Variants in TP63 observed in about 807,000 individuals in gnomAD.
TP63 encodes the protein tumor protein 63.
In TP63, 17 loss-of-function variants were observed where a neutral mutation model predicts 82.8. The observed-to-expected ratio is 0.21, with a 90% CI of 0.14 to 0.31. The LOEUF (loss-of-function observed/expected upper bound fraction) is 0.31, where lower values mean the gene tolerates loss of function less well. Among genes scored for constraint, TP63 ranks in the 10% least tolerant of loss-of-function variants. TP63 has a pLI of 1.00. For missense variants in TP63, 648 were observed against 895.3 expected (o/e 0.72, Z 3.52); for synonymous variants, 330 against 321.7 (o/e 1.03, Z -0.28).
intron 4 of TP63, among the ~76,000 whole-genome samples, chr3:189,814,088 A>C (rs1243674133): frequency 6.6e-6 from 1 of 151,866 alleles, no homozygotes; most frequent in Non-Finnish European, 1.5e-5. Context: ...TCGCAAGCTC[A>C]CTCCCTTTGG....
chr3:189,723,434 G>A (rs1719540301), intron 1 of TP63, among the ~76,000 whole-genome samples: 1 of 152,198 alleles, frequency 6.6e-6, no homozygotes, highest in Non-Finnish European at 1.5e-5. Context: ...TGCCTGTCAG[G>A]CATATTGCAG....
chr3:189,673,504 A>G (rs903907074), intron 1 of TP63, among the ~76,000 whole-genome samples: 6 of 151,730 alleles, frequency 4.0e-5, no homozygotes. Context: ...AGATAAGATA[A>G]CTTAGCAAAG....
chr3:189,615,618 AT>A, the TP63 span, among the ~76,000 whole-genome samples: 1 of 152,104 alleles, frequency 6.6e-6, no homozygotes, highest in Non-Finnish European at 1.5e-5. Context: ...CCACTCCCAT[AT>A]GTCCATATAT....
chr3:189,747,698 A>T (rs1721482288), intron 3 of TP63, among the ~76,000 whole-genome samples: 1 of 152,044 alleles, frequency 6.6e-6, no homozygotes, highest in Non-Finnish European at 1.5e-5. Flanking sequence ...AACAAACCAG[A>T]TAGAAAATTA....
chr3:189,886,273 A>T, intron 10 of TP63, 121 bp from the exon 11 acceptor site: 1 of 1,153,714 alleles, frequency 8.7e-7, no homozygotes, highest in Non-Finnish European at 1.3e-6. Context: ...CATTAATCCT[A>T]GAAGAATGTT....
At position 189,889,366 on chromosome 3, in the gene TP63, A is replaced by G. The variant is rs1261217150; in HGVS notation, c.1534A>G (p.Met512Val). ...NIPMMGTHMP[M>V]AGDMNGLSPT... The stretch of plus-strand genomic sequence containing the variant: ...TCCCATGATGGGCACCCACATGCCA[A>G]TGGCTGGAGACATGAATGGACTCAG... The change falls in exon 12 of 14, where the codon ATG becomes GTG. Residue 512 changes from methionine to valine, a missense_variant. Met to Val is a conservative substitution (Grantham distance 21, BLOSUM62 1). Transcript: ENST00000264731. 6 of 1,614,126 alleles carry G rather than the reference A, an allele frequency of 3.7e-6. No homozygotes were observed. Among genetic ancestry groups the G allele is most frequent in the Non-Finnish European group, 5.1e-6 (6 of 1,180,006 alleles).
chr3:189,616,365 TA>T, the TP63 span, among the ~76,000 whole-genome samples: 1 of 152,210 alleles, frequency 6.6e-6, no homozygotes, highest in Admixed American at 6.5e-5. Context: ...AAGCTAACAC[TA>T]ACCTAAATCC....
intron 4 of TP63, among the ~76,000 whole-genome samples, chr3:189,849,696 G>C (rs1181400846): frequency 6.6e-6 from 1 of 151,780 alleles, no homozygotes; most frequent in African/African-American, 2.4e-5. Context: ...ACTTCCTTTG[G>C]ATCAACTCCC....
the TP63 span, among the ~76,000 whole-genome samples, chr3:189,612,919 A>C: frequency 0.013 from 2,025 of 152,328 alleles, 47 homozygotes; most frequent in African/African-American, 0.046. Flanking sequence ...TATTTGGCAG[A>C]AGAAATTTCT....
intron 3 of TP63, among the ~76,000 whole-genome samples, chr3:189,789,387 G>C (rs1337859323): frequency 2.6e-5 from 4 of 151,674 alleles, no homozygotes; most frequent in Non-Finnish European, 1.5e-5. Flanking sequence ...GGGGAGATTT[G>C]TTTTGTTTTT....
intron 1 of TP63, among the ~76,000 whole-genome samples, chr3:189,657,850 C>T (rs1407556987): frequency 2.6e-5 from 4 of 151,990 alleles, no homozygotes; most frequent in Non-Finnish European, 2.9e-5. Flanking sequence ...CTGATGGCCT[C>T]GGAGGAGTGA....
intron 4 of TP63, among the ~76,000 whole-genome samples, chr3:189,835,922 A>AAT (rs1272398260): frequency 6.4e-5 from 2 of 31,324 alleles, no homozygotes; most frequent in African/African-American, 1.5e-4. Flanking sequence ...TCAAAATAAT[A>AAT]ATAATAATAA....
At chr3:189,715,063 C>T (rs1252812410) in intron 1 of TP63, among the ~76,000 whole-genome samples, 1 of 152,228 alleles carries the variant, frequency 6.6e-6, no homozygotes, top group African/African-American at 2.4e-5. Flanking sequence ...ATGCTGCTTC[C>T]AGATGTGGCC....
At chr3:189,800,962 A>G (rs1045279637) in intron 3 of TP63, among the ~76,000 whole-genome samples, 4 of 152,058 alleles carry the variant, frequency 2.6e-5, no homozygotes, top group African/African-American at 9.7e-5. Context: ...TGAAACTGAT[A>G]TGTCTTCAGT....
At chr3:189,789,919 G>A in intron 3 of TP63, 1 of 1,379,832 alleles carries the variant, frequency 7.2e-7, no homozygotes, top group Non-Finnish European at 9.6e-7. Context: ...TTACGTATTT[G>A]CGGTTCTCGG....
the TP63 span, among the ~76,000 whole-genome samples, chr3:189,600,504 A>G: frequency 6.6e-6 from 1 of 152,236 alleles, no homozygotes; most frequent in African/African-American, 2.4e-5. Flanking sequence ...AAACCAAAGC[A>G]CTAAGGTTTA....
At chr3:189,846,864 G>C (rs1714950550) in intron 4 of TP63, among the ~76,000 whole-genome samples, 1 of 151,418 alleles carries the variant, frequency 6.6e-6, no homozygotes, top group Admixed American at 6.6e-5. Flanking sequence ...TATATTTTTA[G>C]TAGAGATGGG....
intron 4 of TP63, among the ~76,000 whole-genome samples, chr3:189,829,663 A>G (rs552685846): frequency 2.0e-5 from 3 of 152,298 alleles, no homozygotes; most frequent in East Asian, 3.9e-4. Flanking sequence ...CTTAGAAGAG[A>G]AAAAGATTCT....
At chr3:189,772,972 G>A (rs952714288) in intron 3 of TP63, among the ~76,000 whole-genome samples, 5 of 152,208 alleles carry the variant, frequency 3.3e-5, no homozygotes, top group Admixed American at 6.5e-5. Flanking sequence ...GTCCCTTAGT[G>A]TAAGGAGACA....
Sources: allele counts gnomAD v4.1 joint callset (sites outside exome capture counted in the v4.1 genomes callset), GRCh38; gene constraint gnomAD v4.1.1; transcripts MANE v1.5; gene names NCBI Gene and HGNC (gene_info 2026-07-23, HGNC 2026-07-21).